The following CPB1 variants were observed in gnomAD, a reference collection of about 807,000 sequenced individuals.
CPB1 encodes the protein carboxypeptidase B.
In CPB1, 53 loss-of-function variants were observed where a neutral mutation model predicts 51.4. The ratio of observed to expected loss-of-function variants is 1.03; its 90% CI spans 0.83 to 1.30. The LOEUF (loss-of-function observed/expected upper bound fraction) is 1.30. Among genes scored for constraint, CPB1 ranks in the 50% most tolerant of loss-of-function variants. The pLI is 0.00. For synonymous variants in CPB1, 189 were observed against 186.9 expected, an observed-to-expected ratio of 1.01 and a Z score of -0.09; for missense variants, 494 against 516.2, an observed-to-expected ratio of 0.96 and a Z score of 0.42.
In CPB1 at chr3:148,844,705, C is replaced by A. The variant is rs1270719232; in HGVS notation, c.716C>A (p.Thr239Asn). The A allele has an allele frequency of 1.9e-6, 3 of 1,613,846 alleles. No individual in the cohort carries two copies. Among genetic ancestry groups the A allele is most frequent in the Non-Finnish European group, 2.5e-6 (3 of 1,179,860 alleles). Residue 239 changes from threonine (T) to asparagine (N), a missense_variant, in exon 8 of 11, where the codon ACC becomes AAC. Thr to Asn is a moderately conservative substitution (Grantham distance 65). Coordinates refer to ENST00000282957, the MANE Select transcript of CPB1 (RefSeq NM_001871.3). Reference sequence around the variant, plus strand: ...CGATTTTGGAGAAAGACTCGCTCCACCCATACTGGATCTAGCTGCATTGGC... The same window carrying A: ...CGATTTTGGAGAAAGACTCGCTCCAACCATACTGGATCTAGCTGCATTGGC... ...KSRFWRKTRS[T>N]HTGSSCIGTD...
chr3:148,829,996 A>G (rs1712686754), intron 2 of CPB1, among the ~76,000 whole-genome samples: 1 of 152,164 alleles, frequency 6.6e-6, no homozygotes, highest in Non-Finnish European at 1.5e-5. Context: ...AAGATTCAAC[A>G]TTCTACCAGG....
intron 2 of CPB1, among the ~76,000 whole-genome samples, chr3:148,830,291 A>G (rs1483034222): frequency 1.3e-5 from 2 of 152,164 alleles, no homozygotes; most frequent in Non-Finnish European, 2.9e-5. Flanking sequence ...AAGTTCTGCA[A>G]TCACATCTGC....
intron 3 of CPB1, among the ~76,000 whole-genome samples, chr3:148,838,670 A>G (rs1006454159): frequency 1.3e-5 from 2 of 152,190 alleles, no homozygotes; most frequent in Non-Finnish European, 2.9e-5. Flanking sequence ...CTTGGAAGAC[A>G]TGTATGTAAA....
At position 148,839,663 on chromosome 3, in the gene CPB1, A is replaced by T. The variant is rs535484521; in HGVS notation, c.273-1023A>T. Among the ~76,000 whole-genome samples the T allele has an allele frequency of 1.3e-3, 193 of 152,342 alleles. 1 individual carries two copies. The highest frequency in any genetic ancestry group is 0.012 in the Admixed American group (188 of 15,308). ...AAGTTCACCAATTGAAGGAGTGACC[A>T]GGAGGAAGGTTCAGAGGATGTCCCT... On this transcript the variant is annotated intron_variant, in intron 3 of 10. Coordinates refer to ENST00000282957, the MANE Select transcript of CPB1 (RefSeq NM_001871.3).
At chr3:148,858,217 T>C (rs1465541404) in intron 10 of CPB1, among the ~76,000 whole-genome samples, 2 of 152,128 alleles carry the variant, frequency 1.3e-5, no homozygotes, top group African/African-American at 2.4e-5. Flanking sequence ...CAGAATTAAC[T>C]TCCCAAGATG....
rs748224194 is a variant in CPB1 at position 148,840,674 on chromosome 3, G to C, written c.273-12G>C. On this transcript the variant is annotated splice_polypyrimidine_tract_variant and intron_variant, in intron 3 of 10. Transcript: ENST00000282957. ...TTATGTTCATAGGAACACCCACTTT[G>C]GTTCGTTGCAGGGTACTGATAAGCA... 63 of 1,612,830 alleles carry C rather than the reference G, an allele frequency of 3.9e-5. 1 individual carries two copies. Among genetic ancestry groups the C allele is most frequent in the Non-Finnish European group, 5.2e-5 (61 of 1,178,932 alleles).
Position 148,840,679 on chromosome 3 carries a change from G to C in CPB1, c.273-7G>C. 2 of 1,613,898 alleles carry C rather than the reference G, an allele frequency of 1.2e-6. No individual in the cohort carries two copies. Among genetic ancestry groups the C allele is most frequent in the Non-Finnish European group, 1.7e-6 (2 of 1,179,786 alleles). ...TTCATAGGAACACCCACTTTGGTTC[G>C]TTGCAGGGTACTGATAAGCAACCTG... On this transcript the variant is annotated splice_polypyrimidine_tract_variant and splice_region_variant and intron_variant, in intron 3 of 10. Transcript: ENST00000282957.
intron 9 of CPB1, among the ~76,000 whole-genome samples, chr3:148,850,500 C>T (rs1338806416): frequency 6.6e-6 from 1 of 152,202 alleles, no homozygotes; most frequent in East Asian, 1.9e-4. Flanking sequence ...GATGGGGTTT[C>T]ACCGTGTTAG....
chr3:148,857,408 G>C (rs568688116), intron 9 of CPB1, 49 bp from the exon 10 acceptor site: 5 of 1,384,656 alleles, frequency 3.6e-6, no homozygotes, highest in Non-Finnish European at 5.1e-6. Context: ...GCATTTGTTT[G>C]GCAGTGTGCT....
chr3:148,856,756 A>T (rs1396746384), intron 9 of CPB1: 2 of 152,240 alleles, frequency 1.3e-5, no homozygotes, highest in Non-Finnish European at 1.5e-5. Flanking sequence ...TCTTATGAGA[A>T]GGTGATGATG....
At chr3:148,842,868 CA>C (rs1713126329) in intron 6 of CPB1, among the ~76,000 whole-genome samples, 1 of 152,206 alleles carries the variant, frequency 6.6e-6, no homozygotes, top group South Asian at 2.1e-4. Context: ...AACGTAGCTT[CA>C]GATATGCTGT....
chr3:148,841,406 A>G (rs1713077074), intron 5 of CPB1, among the ~76,000 whole-genome samples: 2 of 152,212 alleles, frequency 1.3e-5, no homozygotes, highest in South Asian at 4.1e-4. Flanking sequence ...TAATGAAGGA[A>G]ATAAAAAGAC....
Position 148,844,504 on chromosome 3 carries a change from CCA to C in CPB1, c.604_605del (p.Gln202SerfsTer19). 6.2e-7 allele frequency: 1 copy of C among 1,613,824 alleles called. No individual in the cohort carries two copies. Among genetic ancestry groups the C allele is most frequent in the Non-Finnish European group, 8.5e-7 (1 of 1,179,782 alleles). On this transcript the variant is annotated frameshift_variant, in exon 7 of 11. Transcript: ENST00000282957. LOFTEE classifies it high-confidence loss of function. ...CTGTTCGTACCTATGGACGTGAGAT[CCA>C]AGTGACAGAGCTTCTCGACAAGTTA... ...EAVRTYGREIQVTELLDKLDF... is the reference protein window; with the variant it reads ...EAVRTYGREIXVTELLDKLDF...
intron 9 of CPB1, among the ~76,000 whole-genome samples, chr3:148,852,240 T>C (rs1017546355): frequency 2.0e-5 from 3 of 152,210 alleles, no homozygotes; most frequent in Non-Finnish European, 4.4e-5. Flanking sequence ...TTACCATAAC[T>C]AAATATTTTA....
At chr3:148,848,455 T>C (rs1713320217) in intron 9 of CPB1, among the ~76,000 whole-genome samples, 2 of 152,172 alleles carry the variant, frequency 1.3e-5, no homozygotes, top group Admixed American at 1.3e-4. Flanking sequence ...CTTACAGCGT[T>C]CTGCCAAGTC....
intron 9 of CPB1, among the ~76,000 whole-genome samples, chr3:148,846,797 G>GTGCATATATATATA (rs1364486523): frequency 2.0e-5 from 1 of 50,562 alleles, no homozygotes. Context: ...GTGTGCGTGT[G>GTGCATATATATATA]TATATATATA....
chr3:148,859,632 A>G (rs1395014911), intron 10 of CPB1, among the ~76,000 whole-genome samples, 183 bp from the exon 11 acceptor site: 1 of 152,234 alleles, frequency 6.6e-6, no homozygotes, highest in African/African-American at 2.4e-5. Flanking sequence ...TGATACGTTT[A>G]ATAAGGTTGG....
At chr3:148,840,350 C>T (rs1193444854) in intron 3 of CPB1, among the ~76,000 whole-genome samples, 2 of 152,104 alleles carry the variant, frequency 1.3e-5, no homozygotes, top group Admixed American at 6.5e-5. Flanking sequence ...TGTGGAAGCC[C>T]AAGGCCCTGA....
chr3:148,860,105 T>G lies in CPB1; in HGVS notation c.*103T>G. ...CTGGATGTTTTGCAGATCCCAATCTTTCTTTTAAGCTTCTGGGTCTATTAA... is the reference window on the plus strand; with the variant it reads ...CTGGATGTTTTGCAGATCCCAATCTGTCTTTTAAGCTTCTGGGTCTATTAA... On this transcript the variant is annotated 3_prime_UTR_variant, in exon 11 of 11. Transcript: ENST00000282957. 1 of 1,120,492 alleles carries G rather than the reference T, an allele frequency of 8.9e-7. No individual in the cohort carries two copies. Among genetic ancestry groups the G allele is most frequent in the South Asian group, 1.5e-5 (1 of 64,570 alleles). The allele number at this position is 1,120,492 out of a possible 1,614,324, so 69.4% of individuals were successfully genotyped here. A position where few individuals can be genotyped will look rare whatever the true frequency, so the allele number is the denominator to read the frequency against.
Sources: allele counts gnomAD v4.1 joint callset (sites outside exome capture counted in the v4.1 genomes callset), GRCh38; gene constraint gnomAD v4.1.1; transcripts MANE v1.5; gene names NCBI Gene and HGNC (gene_info 2026-07-23, HGNC 2026-07-21).